The following PLSCR1 variants were observed in gnomAD, a reference collection of about 807,000 sequenced individuals.
PLSCR1 encodes the protein phospholipid scramblase 1.
In PLSCR1, 17 loss-of-function variants were observed where a neutral mutation model predicts 37.8. The ratio of observed to expected loss-of-function variants is 0.45; its 90% confidence interval spans 0.31 to 0.68. The LOEUF is 0.68. Ranked by LOEUF, PLSCR1 falls within the 30% of genes least tolerant of loss-of-function variation. PLSCR1 has a pLI of 0.06. For synonymous variants in PLSCR1, 116 were observed against 125.9 expected, an observed-to-expected ratio of 0.92 and a Z score of 0.53; for missense variants, 347 against 380.9, an observed-to-expected ratio of 0.91 and a Z score of 0.74.
Position 146,533,559 on chromosome 3 carries a change from C to A in PLSCR1, c.14-9G>T. 1 of 1,561,568 alleles carries A rather than the reference C, an allele frequency of 6.4e-7. No homozygotes were observed. ...AGCATTCATCTGTGAGTCTGCAATT[C>A]AAGGAGAGGTAAATAGATGTCTGAT... On this transcript the variant is annotated splice_polypyrimidine_tract_variant and intron_variant, in intron 2 of 8. Transcript: ENST00000342435.
In PLSCR1 at chr3:146,544,052, A is replaced by C. The variant is rs191691326; in HGVS notation, c.-14+415T>G. ...ATTAACCATTCCTTCTAATAGCCCC[A>C]CTACGCTGGCACATGCTCCTGAGCC... On this transcript the variant is annotated intron_variant, in intron 1 of 8. Transcript: ENST00000342435. Among the ~76,000 whole-genome samples the C allele has an allele frequency of 5.3e-3, 813 of 152,226 alleles. 10 individuals are homozygous for C. Among genetic ancestry groups the C allele is most frequent in the African/African-American group, 0.018 (768 of 41,538 alleles).
chr3:146,532,712 A>C (rs1387768959), intron 3 of PLSCR1, among the ~76,000 whole-genome samples: 2 of 152,200 alleles, frequency 1.3e-5, no homozygotes, highest in Non-Finnish European at 2.9e-5. Context: ...ATGCTCTTTC[A>C]AGATGTGGGT....
chr3:146,532,688 C>A (rs1336215444), intron 3 of PLSCR1, among the ~76,000 whole-genome samples: 9 of 152,190 alleles, frequency 5.9e-5, no homozygotes, highest in Non-Finnish European at 1.2e-4. Context: ...TCCCTTTGGT[C>A]CTAAATCCTC....
intron 1 of PLSCR1, among the ~76,000 whole-genome samples, chr3:146,543,988 C>A (rs1288898375): frequency 2.0e-5 from 3 of 152,124 alleles, no homozygotes; most frequent in African/African-American, 7.2e-5. Context: ...CGGCGGACTT[C>A]ATTGAATACT....
At chr3:146,539,206 A>ATTC (rs1178090191) in intron 1 of PLSCR1, among the ~76,000 whole-genome samples, 1 of 152,228 alleles carries the variant, frequency 6.6e-6, no homozygotes, top group Non-Finnish European at 1.5e-5. Flanking sequence ...CAGGCATTAG[A>ATTC]TTCTCATAAG....
intron 1 of PLSCR1, chr3:146,537,996 T>C (rs1435158733): frequency 6.6e-6 from 1 of 152,234 alleles, no homozygotes; most frequent in Non-Finnish European, 1.5e-5. Context: ...TTATACATAC[T>C]CAAGAAGTTC....
chr3:146,519,614 C>T (rs903426055), intron 7 of PLSCR1, among the ~76,000 whole-genome samples: 1 of 152,036 alleles, frequency 6.6e-6, no homozygotes, highest in East Asian at 1.9e-4. Context: ...CCATTCTTTT[C>T]CTATACATAA....
intron 3 of PLSCR1, among the ~76,000 whole-genome samples, chr3:146,531,772 C>T (rs2044202214): frequency 6.6e-6 from 1 of 152,156 alleles, no homozygotes; most frequent in Admixed American, 6.5e-5. Context: ...TAGATAGGAA[C>T]TCTGAGGCTT....
chr3:146,529,669 C>A (rs570397891), intron 3 of PLSCR1, among the ~76,000 whole-genome samples: 1 of 152,160 alleles, frequency 6.6e-6, no homozygotes, highest in Admixed American at 6.5e-5. Context: ...CCCACCACCA[C>A]GCCCAGCTAA....
At chr3:146,534,292 C>T (rs994622429) in intron 2 of PLSCR1, among the ~76,000 whole-genome samples, 2 of 152,160 alleles carry the variant, frequency 1.3e-5, no homozygotes, top group Non-Finnish European at 2.9e-5. Flanking sequence ...TTGAATTAGG[C>T]TCTGTGGCTA....
chr3:146,527,794 C>T (rs554275002), intron 4 of PLSCR1: 2 of 152,220 alleles, frequency 1.3e-5, no homozygotes, highest in African/African-American at 4.8e-5. Flanking sequence ...GAAATGAAAA[C>T]TGGTTGAATA....
At position 146,515,968 on chromosome 3, in the gene PLSCR1, T is replaced by C; in HGVS notation, c.*77A>G. ...CAGAGCTACAGGCCTTACAGCTTAA[T>C]TCATACAGGTATGAGTTTAGATAGT... On this transcript the variant is annotated 3_prime_UTR_variant, in exon 9 of 9. Transcript: ENST00000342435. 1 of 882,078 alleles carries C rather than the reference T, an allele frequency of 1.1e-6. No homozygotes were observed. The highest frequency in any genetic ancestry group is 1.9e-6 in the Non-Finnish European group (1 of 539,442). 54.6% of individuals were successfully genotyped at this position (882,078 alleles called of 1,614,324 possible).
intron 1 of PLSCR1, 175 bp from the exon 2 acceptor site, chr3:146,536,740 T>C (rs2108664128): frequency 1.9e-6 from 1 of 512,864 alleles, no homozygotes; most frequent in Non-Finnish European, 3.7e-6. Flanking sequence ...GCATTCCCCT[T>C]GCTGTGTTTC....
At chr3:146,533,596 T>C (rs1014205637) in intron 2 of PLSCR1, 46 bp from the exon 3 acceptor site, 6 of 1,104,088 alleles carry the variant, frequency 5.4e-6, no homozygotes, top group Non-Finnish European at 8.3e-6. Flanking sequence ...AAATAAAATA[T>C]ATATTAGAAA....
At chr3:146,519,895 T>A (rs1229526144) in intron 7 of PLSCR1, among the ~76,000 whole-genome samples, 1 of 152,136 alleles carries the variant, frequency 6.6e-6, no homozygotes, top group Admixed American at 6.6e-5. Flanking sequence ...TCAATTGATA[T>A]CAAATCCATG....
At chr3:146,516,778 TC>T (rs1429135266) in intron 8 of PLSCR1, 8 of 378,612 alleles carry the variant, frequency 2.1e-5, no homozygotes, top group African/African-American at 1.5e-4. Context: ...ATCTCCTTAG[TC>T]CCCCTCTTGC....
intron 3 of PLSCR1, among the ~76,000 whole-genome samples, chr3:146,531,800 T>C (rs2609870): frequency 6.6e-6 from 1 of 152,186 alleles, no homozygotes; most frequent in African/African-American, 2.4e-5. Flanking sequence ...CTGCAACTTG[T>C]TTAAACTACC....
chr3:146,533,455 C>T lies in PLSCR1; in HGVS notation c.94+15G>A. 6.6e-7 allele frequency: 1 copy of T among 1,505,344 alleles called. No individual in the cohort carries two copies. The highest frequency in any genetic ancestry group is 1.2e-5 in the South Asian group (1 of 83,758). 93.2% of individuals were successfully genotyped at this position (1,505,344 alleles called of 1,614,324 possible). A position where few individuals can be genotyped will look rare whatever the true frequency, so the allele number is the denominator to read the frequency against. On this transcript the variant is annotated intron_variant, in intron 3 of 8. Transcript: ENST00000342435. ...CAATTAATTTTACTTTTTCTTCTTTCAGCAACTGCTTTACCTTGGAATGCT... is the reference window on the plus strand; with the variant it reads ...CAATTAATTTTACTTTTTCTTCTTTTAGCAACTGCTTTACCTTGGAATGCT...
chr3:146,533,848 A>T (rs1245389547), intron 2 of PLSCR1, among the ~76,000 whole-genome samples: 1 of 152,224 alleles, frequency 6.6e-6, no homozygotes, highest in Non-Finnish European at 1.5e-5. Context: ...TGTTGATAAT[A>T]AAACAAAGAT....
Sources: allele counts gnomAD v4.1 joint callset (sites outside exome capture counted in the v4.1 genomes callset), GRCh38; gene constraint gnomAD v4.1.1; transcripts MANE v1.5; gene names NCBI Gene and HGNC (gene_info 2026-07-23, HGNC 2026-07-21).